RBFOX1: variants seen among roughly 807,000 people sequenced by gnomAD.
RBFOX1 encodes RNA binding fox-1 homolog 1.
A neutral mutation model predicts 57.7 loss-of-function variants in RBFOX1; 8 were observed. The ratio of observed to expected loss-of-function variants is 0.14; its 90% CI spans 0.08 to 0.25. The LOEUF (loss-of-function observed/expected upper bound fraction) is 0.25, where lower values mean the gene tolerates loss of function less well. Ranked by LOEUF, RBFOX1 falls within the 10% of genes least tolerant of loss-of-function variation. The pLI is 1.00. For synonymous variants in RBFOX1, 326 were observed against 222.4 expected, an observed-to-expected ratio of 1.47 and a Z score of -4.15; for missense variants, 611 against 548.5, an observed-to-expected ratio of 1.11 and a Z score of -1.14.
At chr16:6,873,193 G>C (rs2061253711) in intron 3 of RBFOX1, among the ~76,000 whole-genome samples, 1 of 151,216 alleles carries the variant, frequency 6.6e-6, no homozygotes, top group African/African-American at 2.4e-5. Context: ...GAATAAACGA[G>C]GAGTAGAGAT....
At chr16:5,976,551 G>C (rs1258093415) in intron 4 of RBFOX1, among the ~76,000 whole-genome samples, 1 of 152,068 alleles carries the variant, frequency 6.6e-6, no homozygotes, top group Non-Finnish European at 1.5e-5. Context: ...GGAACATCAC[G>C]GTCTCTATCC....
At chr16:6,818,143 C>G (rs1258488296) in intron 3 of RBFOX1, among the ~76,000 whole-genome samples, 3 of 152,120 alleles carry the variant, frequency 2.0e-5, no homozygotes, top group Non-Finnish European at 2.9e-5. Context: ...TTTCTAGGTT[C>G]CTCTGGTAGA....
chr16:7,653,411 T>C (rs1282005161), intron 11 of RBFOX1, among the ~76,000 whole-genome samples: 1 of 152,028 alleles, frequency 6.6e-6, no homozygotes, highest in Non-Finnish European at 1.5e-5. Context: ...GAGGCTGAGG[T>C]AGGAGGATCA....
At chr16:6,455,070 T>A (rs1402768357) in intron 2 of RBFOX1, among the ~76,000 whole-genome samples, 7 of 150,310 alleles carry the variant, frequency 4.7e-5, no homozygotes, top group African/African-American at 1.7e-4. Flanking sequence ...TTTTTTTGTA[T>A]TTTTAGTAGA....
chr16:7,689,183 G>A (rs578086428), intron 14 of RBFOX1, among the ~76,000 whole-genome samples: 1 of 152,252 alleles, frequency 6.6e-6, no homozygotes, highest in African/African-American at 2.4e-5. Context: ...GATAGTAGCC[G>A]TTGCAATCAA....
intron 1 of RBFOX1, among the ~76,000 whole-genome samples, chr16:5,267,784 A>G (rs2062898606): frequency 6.6e-6 from 1 of 152,174 alleles, no homozygotes; most frequent in South Asian, 2.1e-4. Context: ...GGTGTGGAGG[A>G]TAAAAAGATG....
intron 2 of RBFOX1, among the ~76,000 whole-genome samples, chr16:6,438,970 A>G (rs2094307579): frequency 6.6e-6 from 1 of 152,132 alleles, no homozygotes; most frequent in Admixed American, 6.5e-5. Context: ...TTGCATTGTC[A>G]CTGCTAGTGG....
chr16:5,385,052 G>A (rs1397178695), intron 1 of RBFOX1, among the ~76,000 whole-genome samples: 1 of 152,212 alleles, frequency 6.6e-6, no homozygotes, highest in Non-Finnish European at 1.5e-5. Flanking sequence ...CACAAAAGAA[G>A]AACAGAATAG....
intron 3 of RBFOX1, among the ~76,000 whole-genome samples, chr16:6,768,973 T>C (rs560196487): frequency 1.3e-5 from 2 of 152,228 alleles, no homozygotes; most frequent in East Asian, 1.9e-4. Flanking sequence ...GTGATCTGCC[T>C]GCCTCGGGCT....
intron 3 of RBFOX1, among the ~76,000 whole-genome samples, chr16:7,026,243 G>A (rs1200628744): frequency 6.6e-6 from 1 of 152,180 alleles, no homozygotes; most frequent in East Asian, 1.9e-4. Context: ...CACCCATGAA[G>A]CTGCTGTTTT....
rs570727427 is a variant in RBFOX1 at position 6,460,572 on chromosome 16, C to T, written c.-64+143515C>T. Among the ~76,000 whole-genome samples, 20 of 151,962 alleles carry T rather than the reference C, an allele frequency of 1.3e-4. 1 individual carries two copies. The highest frequency in any genetic ancestry group is 6.8e-3 in the Middle Eastern group (2 of 294). On this transcript the variant is annotated intron_variant, in intron 2 of 15. Transcript: ENST00000550418. ...TACCATCTCACACCAGTCAGAATGG[C>T]GATTATTAAAAAGTTAAGAAACAAC...
At chr16:6,629,350 T>G (rs916563507) in intron 2 of RBFOX1, among the ~76,000 whole-genome samples, 1 of 152,332 alleles carries the variant, frequency 6.6e-6, no homozygotes, top group South Asian at 2.1e-4. Flanking sequence ...AAACACAGTG[T>G]TGCTCGTTTA....
intron 4 of RBFOX1, among the ~76,000 whole-genome samples, chr16:7,348,741 A>G (rs2097068500): frequency 6.6e-6 from 1 of 152,206 alleles, no homozygotes; most frequent in South Asian, 2.1e-4. Flanking sequence ...CAGGAGTTCA[A>G]GACCACCCTG....
intron 1 of RBFOX1, among the ~76,000 whole-genome samples, chr16:5,245,842 C>T (rs1420929272): frequency 6.6e-6 from 1 of 152,162 alleles, no homozygotes; most frequent in Non-Finnish European, 1.5e-5. Flanking sequence ...TGTCAATTAA[C>T]CATTTAATCG....
rs1258913573 is a variant in RBFOX1 at position 7,227,552 on chromosome 16, G to C, written c.27+175454G>C. Among the ~76,000 whole-genome samples the C allele has an allele frequency of 2.0e-5, 3 of 152,214 alleles. No homozygotes were observed. In the East Asian group the frequency reaches 5.8e-4, roughly 29 times the overall value. On this transcript the variant is annotated intron_variant, in intron 4 of 15. Coordinates refer to ENST00000550418, the MANE Select transcript of RBFOX1 (RefSeq NM_018723.4). ...AGACGCAGTGGTTTCCCTGGGGGCA[G>C]CTTTCGGAGTCCGAAAGCATTGACT...
At chr16:6,755,572 C>G (rs2075661547) in intron 3 of RBFOX1, among the ~76,000 whole-genome samples, 1 of 152,150 alleles carries the variant, frequency 6.6e-6, no homozygotes, top group South Asian at 2.1e-4. Flanking sequence ...TCATTTATCT[C>G]TTAGTGGAGC....
chr16:5,753,615 A>T (rs1323812671), intron 3 of RBFOX1, among the ~76,000 whole-genome samples: 1 of 152,162 alleles, frequency 6.6e-6, no homozygotes, highest in Non-Finnish European at 1.5e-5. Context: ...GAAACCTACC[A>T]GCTGGTTGAT....
chr16:7,208,930 G>A (rs2090545644), intron 4 of RBFOX1, among the ~76,000 whole-genome samples: 1 of 151,900 alleles, frequency 6.6e-6, no homozygotes, highest in Admixed American at 6.6e-5. Flanking sequence ...CTTCCTGGCG[G>A]GCATTAATCT....
At chr16:7,304,713 C>T (rs1327130525) in intron 4 of RBFOX1, among the ~76,000 whole-genome samples, 1 of 152,164 alleles carries the variant, frequency 6.6e-6, no homozygotes, top group Non-Finnish European at 1.5e-5. Flanking sequence ...TGATGCCCAG[C>T]CTGGGCACCG....
Sources: gnomAD v4.1 joint callset for allele counts (sites outside exome capture counted in the v4.1 genomes callset) on GRCh38, gnomAD v4.1.1 for gene constraint, MANE v1.5 for transcripts, NCBI Gene and HGNC (gene_info 2026-07-23, HGNC 2026-07-21) for gene names.